Variants in PALM observed in about 807,000 individuals in gnomAD.
PALM encodes the protein paralemmin.
In PALM, 18 loss-of-function variants were observed where a neutral mutation model predicts 30.7. The observed-to-expected ratio is 0.59, with a 90% confidence interval of 0.41 to 0.87. The LOEUF is 0.87. Ranked by LOEUF, PALM falls within the 40% of genes least tolerant of loss-of-function variation. The pLI is 0.00. For missense variants in PALM, 529 were observed against 555.4 expected, an observed-to-expected ratio of 0.95 and a Z score of 0.48; for synonymous variants, 286 against 242.8, an observed-to-expected ratio of 1.18 and a Z score of -1.66.
At chr19:732,711 C>T (rs1159615151) in intron 5 of PALM, among the ~76,000 whole-genome samples, 1 of 151,628 alleles carries the variant, frequency 6.6e-6, no homozygotes, top group Non-Finnish European at 1.5e-5. Context: ...AAACCTGGTT[C>T]TGGGCACAGT....
intron 2 of PALM, 76 bp downstream of exon 2, chr19:726,265 C>T: frequency 1.6e-6 from 2 of 1,257,742 alleles, no homozygotes; most frequent in Middle Eastern, 2.5e-4. Flanking sequence ...GGCCCTGGAC[C>T]TGTCCTAGGA....
At chr19:725,579 A>G (rs1258999221) in intron 1 of PALM, among the ~76,000 whole-genome samples, 1 of 151,994 alleles carries the variant, frequency 6.6e-6, no homozygotes, top group African/African-American at 2.4e-5. Flanking sequence ...CAAAACCACA[A>G]TGATTGGATA....
chr19:710,883 G>T (rs1341586596), intron 1 of PALM, among the ~76,000 whole-genome samples: 5 of 152,214 alleles, frequency 3.3e-5, no homozygotes, highest in Admixed American at 2.6e-4. Context: ...CTGACAATGG[G>T]TGGGGACAGG....
In PALM at chr19:746,389, G is replaced by T; in HGVS notation, c.739G>T (p.Ala247Ser). ...AGCGGACGAGGTCACGCTGAGCGAG[G>T]CAGGGTCCACGGCCGGGGCGGCAGA... is the stretch of plus-strand genomic sequence containing the variant. Reference protein sequence around the residue: ...HKADEVTLSEAGSTAGAAETR... With the variant: ...HKADEVTLSESGSTAGAAETR... Residue 247 changes from alanine (A) to serine (S), a missense_variant, in exon 9 of 9, where the codon GCA becomes TCA. By Grantham distance (99) the Ala-to-Ser change is moderately conservative. Coordinates refer to ENST00000338448, the MANE Select transcript of PALM (RefSeq NM_002579.3). This position sits in a 1 kb window ranked among gnomAD's most constrained non-coding sequence, Gnocchi z 7.1. 1 of 1,613,180 alleles carries T rather than the reference G, an allele frequency of 6.2e-7. No homozygotes were observed. Among genetic ancestry groups the T allele is most frequent in the Non-Finnish European group, 8.5e-7 (1 of 1,179,800 alleles).
intron 2 of PALM, among the ~76,000 whole-genome samples, chr19:726,452 C>T (rs369108260): frequency 5.3e-5 from 8 of 152,264 alleles, no homozygotes; most frequent in South Asian, 4.1e-4. Context: ...ACCCTGCCCT[C>T]GTCCTGCAGG....
chr19:746,424 G>A lies in PALM; in HGVS notation c.774G>A (p.Gly258=). 6.2e-7 allele frequency: 1 copy of A among 1,611,218 alleles called. No homozygotes were observed. The highest frequency in any genetic ancestry group is 8.5e-7 in the Non-Finnish European group (1 of 1,178,980). The part of the protein sequence containing the change: ...GSTAGAAETR[G]AVEGAARTTP... ...CGGCCGGGGCGGCAGAGACCCGGGG[G>A]GCTGTGGAGGGGGCAGCCCGGACCA... is the stretch of plus-strand genomic sequence containing the variant. The change falls in exon 9 of 9, where the codon GGG becomes GGA. Residue 258 remains glycine (G), a synonymous_variant. Transcript: ENST00000338448. The surrounding 1 kb of genome is among the most constrained non-coding windows in gnomAD (Gnocchi z 7.1).
rs2033155344 is a variant in PALM, at chr19:740,455, C to T, written c.606C>T (p.Gly202=). The change falls in exon 8 of 9, where the codon GGC becomes GGT. Residue 202 remains glycine (G), a synonymous_variant. Coordinates refer to ENST00000338448, the MANE Select transcript of PALM (RefSeq NM_002579.3). ...TLLPRQPLPL[G]IKVYEDETKV... is the part of the protein sequence containing the mutation. Reference sequence around the variant, plus strand: ...TCCCTCGGCAGCCGCTCCCTCTGGGCATCAAAGTCTACGAGGACGAGACCA... The same window carrying T: ...TCCCTCGGCAGCCGCTCCCTCTGGGTATCAAAGTCTACGAGGACGAGACCA... The T allele has an allele frequency of 7.1e-6, 11 of 1,552,404 alleles. No individual in the cohort carries two copies. Among genetic ancestry groups the T allele is most frequent in the Non-Finnish European group, 9.6e-6 (11 of 1,147,496 alleles).
At chr19:728,970 C>T (rs149778578) in intron 4 of PALM, among the ~76,000 whole-genome samples, 1 of 151,976 alleles carries the variant, frequency 6.6e-6, no homozygotes, top group East Asian at 1.9e-4. Context: ...CACCGCTGCA[C>T]TCTGGCCTGG....
chr19:710,693 G>C (rs11085180), intron 1 of PALM, among the ~76,000 whole-genome samples: 1 of 9,328 alleles, frequency 1.1e-4, no homozygotes, highest in Non-Finnish European at 1.5e-4. Context: ...ACCTGGGGCC[G>C]GGGGGCCTCG....
chr19:743,767 A>G (rs1208349721), intron 8 of PALM, among the ~76,000 whole-genome samples: 2 of 152,160 alleles, frequency 1.3e-5, no homozygotes, highest in Non-Finnish European at 2.9e-5. Context: ...GGGTGCTGAA[A>G]TCCGGTCCTT....
In PALM at chr19:746,318, G is replaced by C. The variant is rs761652145; in HGVS notation, c.668G>C (p.Gly223Ala). The C allele has an allele frequency of 1.2e-6, 2 of 1,613,616 alleles. No individual in the cohort carries two copies. The highest frequency in any genetic ancestry group is 1.7e-6 in the Non-Finnish European group (2 of 1,179,716). The change falls in exon 9 of 9, where the codon GGG (glycine) becomes GCG (alanine). Residue 223 changes from glycine to alanine, a missense_variant. Transcript: ENST00000338448. This position sits in a 1 kb window ranked among gnomAD's most constrained non-coding sequence, Gnocchi z 7.1. ...GCTGTGGACGGCACCGCCGAGAACG[G>C]GATCCACCCCCTGAGCTCCTCCGAG... is the stretch of plus-strand genomic sequence containing the variant. ...VHAVDGTAEN[G>A]IHPLSSSEVD...
intron 1 of PALM, among the ~76,000 whole-genome samples, chr19:724,844 G>A (rs2032608114): frequency 6.6e-6 from 1 of 151,528 alleles, no homozygotes; most frequent in South Asian, 2.1e-4. Flanking sequence ...GGCTGGTCTC[G>A]AACTCCTGGG....
chr19:712,646 G>T (rs1351124844), intron 1 of PALM, among the ~76,000 whole-genome samples: 1 of 151,524 alleles, frequency 6.6e-6, no homozygotes, highest in East Asian at 1.9e-4. Flanking sequence ...GCCTCCCAAA[G>T]TGCTGGGATT....
At chr19:745,853 G>T (rs2033322718) in intron 8 of PALM, among the ~76,000 whole-genome samples, 2 of 152,154 alleles carry the variant, frequency 1.3e-5, no homozygotes, top group Admixed American at 6.6e-5. Context: ...GAGGTCAGGA[G>T]TTCGAGACCA....
At chr19:730,536 A>G (rs1470168154) in intron 4 of PALM, among the ~76,000 whole-genome samples, 1 of 152,196 alleles carries the variant, frequency 6.6e-6, no homozygotes, top group Non-Finnish European at 1.5e-5. Flanking sequence ...CATTTGATAC[A>G]GACAGTGACA....
intron 4 of PALM, among the ~76,000 whole-genome samples, chr19:729,614 C>T (rs1409583382): frequency 3.3e-5 from 5 of 151,646 alleles, no homozygotes; most frequent in African/African-American, 7.3e-5. Flanking sequence ...TACAGGTGCC[C>T]GCCACGCCTG....
At chr19:710,988 G>T (rs140748012) in intron 1 of PALM, among the ~76,000 whole-genome samples, 241 of 152,344 alleles carry the variant, frequency 1.6e-3, no homozygotes, top group African/African-American at 5.7e-3. Context: ...GAACGTGATC[G>T]CTTGCCTCCT....
At chr19:712,024 C>T (rs1253869805) in intron 1 of PALM, among the ~76,000 whole-genome samples, 1 of 145,582 alleles carries the variant, frequency 6.9e-6, no homozygotes, top group Non-Finnish European at 1.5e-5. Flanking sequence ...TCCTCTGATG[C>T]TTTTTTTTTT....
Position 727,654 on chromosome 19 carries a change from G to T in PALM, c.229G>T (p.Asp77Tyr). 6.4e-7 allele frequency: 1 copy of T among 1,569,682 alleles called. No homozygotes were observed. The highest frequency in any genetic ancestry group is 8.6e-7 in the Non-Finnish European group (1 of 1,157,170). ...GGACCTGAGGAGGCAGATGCAGGACGACGAGCAGAAGACACGGCTGCTGGA... is the reference window on the plus strand; with the variant it reads ...GGACCTGAGGAGGCAGATGCAGGACTACGAGCAGAAGACACGGCTGCTGGA... ...DEDLRRQMQDDEQKTRLLEDS... is the reference protein window; with the variant it reads ...DEDLRRQMQDYEQKTRLLEDS... Residue 77 changes from aspartate to tyrosine, a missense_variant, in exon 4 of 9, where the codon GAC becomes TAC. Transcript: ENST00000338448.
Sources: allele counts gnomAD v4.1 joint callset (sites outside exome capture counted in the v4.1 genomes callset), GRCh38; gene constraint gnomAD v4.1.1; non-coding constraint Gnocchi (gnomAD v3.1); transcripts MANE v1.5; gene names NCBI Gene and HGNC (gene_info 2026-07-23, HGNC 2026-07-21).